Variants in SEMA3D observed in about 807,000 individuals in gnomAD.
The protein encoded by SEMA3D is semaphorin-3D.
A neutral mutation model predicts 100.1 loss-of-function variants in SEMA3D; 84 were observed. That is an observed-to-expected ratio of 0.84 (90% CI 0.70 to 1.01). The LOEUF is 1.01. Among genes scored for constraint, SEMA3D ranks in the 50% least tolerant of loss-of-function variants. The probability of loss-of-function intolerance (pLI) is 0.00; values close to 1 mark genes in which losing one functional copy is unlikely to be tolerated. For synonymous variants in SEMA3D, 312 were observed against 320.7 expected (o/e 0.97, Z 0.29); for missense variants, 875 against 934.1 (o/e 0.94, Z 0.82).
At chr7:85,216,062 T>C in the SEMA3D span, among the ~76,000 whole-genome samples, 2 of 152,098 alleles carry the variant, frequency 1.3e-5, no homozygotes, top group African/African-American at 4.8e-5. Flanking sequence ...AATGGCAAAC[T>C]ATCACATTCA....
Position 85,022,593 on chromosome 7 carries a change from G to T in SEMA3D, c.1212C>A (p.Asp404Glu). 1 of 1,611,386 alleles carries T rather than the reference G, an allele frequency of 6.2e-7. No individual in the cohort carries two copies. The highest frequency in any genetic ancestry group is 8.5e-7 in the Non-Finnish European group (1 of 1,178,058). Residue 404 changes from aspartate (D) to glutamate (E), a missense_variant, in exon 13 of 19, where the codon GAC becomes GAA. Coordinates refer to ENST00000284136, the MANE Select transcript of SEMA3D (RefSeq NM_001384900.1). Reference sequence around the variant, plus strand: ...AATCTCGGGTGGACTTAATCAGTGGGTCATAGGTTTTGCTTGGACACTGAA... The same window carrying T: ...AATCTCGGGTGGACTTAATCAGTGGTTCATAGGTTTTGCTTGGACACTGAA... ...RPGTCPSKTY[D>E]PLIKSTRDFP...
At chr7:85,203,182 A>C in the SEMA3D span, among the ~76,000 whole-genome samples, 6 of 152,224 alleles carry the variant, frequency 3.9e-5, no homozygotes, top group Non-Finnish European at 7.3e-5. Flanking sequence ...AGAGAGCAGA[A>C]ATATGCGATA....
intron 15 of SEMA3D, among the ~76,000 whole-genome samples, chr7:85,016,859 A>ATCC (rs913269942): frequency 1.4e-5 from 2 of 144,454 alleles, no homozygotes; most frequent in African/African-American, 5.2e-5. Flanking sequence ...GGCTCAAGGT[A>ATCC]TCCTCCCATT....
chr7:85,070,522 G>T (rs1791741769), intron 6 of SEMA3D, among the ~76,000 whole-genome samples: 1 of 151,982 alleles, frequency 6.6e-6, no homozygotes, highest in East Asian at 1.9e-4. Context: ...GAAAATGGAA[G>T]GTCCTTCTAA....
At chr7:85,175,648 T>C (rs1050855048) in intron 1 of SEMA3D, among the ~76,000 whole-genome samples, 2 of 152,216 alleles carry the variant, frequency 1.3e-5, no homozygotes, top group Non-Finnish European at 2.9e-5. Flanking sequence ...AATTTCTTAA[T>C]TTGTATTAAC....
intron 12 of SEMA3D, among the ~76,000 whole-genome samples, chr7:85,034,945 T>C (rs1283548711): frequency 1.3e-5 from 2 of 152,080 alleles, no homozygotes; most frequent in African/African-American, 4.8e-5. Flanking sequence ...AACTACTACA[T>C]GATGCAGCAA....
At chr7:85,133,903 T>C (rs572843664) in intron 2 of SEMA3D, among the ~76,000 whole-genome samples, 1 of 152,116 alleles carries the variant, frequency 6.6e-6, no homozygotes, top group South Asian at 2.1e-4. Flanking sequence ...ACATGGACTA[T>C]GATAGCAAGT....
the SEMA3D span, among the ~76,000 whole-genome samples, chr7:85,238,794 C>T: frequency 3.3e-5 from 5 of 152,144 alleles, no homozygotes; most frequent in Non-Finnish European, 7.4e-5. Flanking sequence ...GAATTGGAAA[C>T]CTGACAATAT....
intron 9 of SEMA3D, among the ~76,000 whole-genome samples, chr7:85,054,647 T>G (rs746256072): frequency 7.2e-5 from 11 of 152,112 alleles, no homozygotes; most frequent in Non-Finnish European, 1.5e-4. Context: ...GCAATGATGG[T>G]TTGTATTTCT....
chr7:85,219,316 G>A, the SEMA3D span, among the ~76,000 whole-genome samples: 2 of 151,962 alleles, frequency 1.3e-5, no homozygotes, highest in Admixed American at 1.3e-4. Flanking sequence ...ATCAGAATTG[G>A]TTATGTTGGC....
At chr7:85,067,417 T>C (rs1395475715) in intron 7 of SEMA3D, among the ~76,000 whole-genome samples, 1 of 152,168 alleles carries the variant, frequency 6.6e-6, no homozygotes, top group Admixed American at 6.6e-5. Context: ...AATACACACA[T>C]GCTGTCACTT....
At chr7:85,141,073 A>C in intron 2 of SEMA3D, 1 of 905,658 alleles carries the variant, frequency 1.1e-6, no homozygotes, top group Non-Finnish European at 1.3e-6. Flanking sequence ...CATTTTATTT[A>C]ATATTCAGTT....
intron 18 of SEMA3D, among the ~76,000 whole-genome samples, chr7:85,001,023 C>T (rs1029835673): frequency 3.9e-4 from 59 of 152,294 alleles, no homozygotes; most frequent in African/African-American, 1.4e-3. Flanking sequence ...GTGGATTGTA[C>T]TCTGCATCTT....
At chr7:85,116,556 A>C (rs1013038731) in intron 3 of SEMA3D, among the ~76,000 whole-genome samples, 16 of 151,226 alleles carry the variant, frequency 1.1e-4, no homozygotes, top group African/African-American at 2.7e-4. Flanking sequence ...ATATTTTGTG[A>C]ATATTTTGTA....
chr7:85,062,011 G>A (rs928204511), intron 8 of SEMA3D, among the ~76,000 whole-genome samples: 7 of 152,122 alleles, frequency 4.6e-5, no homozygotes, highest in African/African-American at 1.7e-4. Flanking sequence ...ATATGTCCCA[G>A]TTTGTAGTGA....
At chr7:85,074,778 C>T (rs906420782) in intron 5 of SEMA3D, among the ~76,000 whole-genome samples, 16 of 151,822 alleles carry the variant, frequency 1.1e-4, no homozygotes, top group Admixed American at 7.9e-4. Flanking sequence ...CATCAACTCC[C>T]GGGTAATTTT....
At chr7:85,037,182 C>T (rs906207179) in intron 11 of SEMA3D, 149 bp from the exon 12 acceptor site, 36 of 635,492 alleles carry the variant, frequency 5.7e-5, no homozygotes, top group Non-Finnish European at 8.9e-5. Flanking sequence ...CCTACGTCCT[C>T]AAGTGGCTTA....
At chr7:85,066,489 A>C (rs60210253) in intron 7 of SEMA3D, among the ~76,000 whole-genome samples, 35,662 of 151,184 alleles carry the variant, frequency 0.24, 6,309 homozygotes, top group African/African-American at 0.5. Flanking sequence ...ATGTTCCCTA[A>C]TGTTAGTCAG....
In SEMA3D at chr7:85,166,624, T is replaced by G. The variant is rs536919982; in HGVS notation, c.-172-12885A>C. 2.1e-3 allele frequency among the ~76,000 whole-genome samples: 322 copies of G among 152,094 alleles called. 1 individual carries two copies. Among genetic ancestry groups the G allele is most frequent in the Middle Eastern group, 6.8e-3 (2 of 294 alleles). On this transcript the variant is annotated intron_variant, in intron 1 of 18. Coordinates refer to ENST00000284136, the MANE Select transcript of SEMA3D (RefSeq NM_001384900.1). Reference sequence around the variant, plus strand: ...ATGTTGAATCTAAGGCATAGAGAGATAAAGCAAATTGCCCAAGGCTACAAG... The same window carrying G: ...ATGTTGAATCTAAGGCATAGAGAGAGAAAGCAAATTGCCCAAGGCTACAAG...
Sources: gnomAD v4.1 joint callset for allele counts (sites outside exome capture counted in the v4.1 genomes callset) on GRCh38, gnomAD v4.1.1 for gene constraint, MANE v1.5 for transcripts, NCBI Gene and HGNC (gene_info 2026-07-23, HGNC 2026-07-21) for gene names.